The following NCOR2 variants were observed in gnomAD, a reference collection of about 807,000 sequenced individuals.
The protein encoded by NCOR2 is nuclear receptor corepressor 2, also known as CTG repeat protein 26.
A neutral mutation model predicts 262.9 loss-of-function variants in NCOR2; 81 were observed. The observed-to-expected ratio is 0.31, with a 90% CI of 0.26 to 0.37. NCOR2 has a LOEUF of 0.37. Among genes scored for constraint, NCOR2 ranks in the 10% least tolerant of loss-of-function variants. NCOR2 has a pLI of 1.00. For missense variants in NCOR2, 3,385 were observed against 3,621.4 expected (o/e 0.93, Z 1.68); for synonymous variants, 1,659 against 1,559.3 (o/e 1.06, Z -1.51).
intron 3 of NCOR2, among the ~76,000 whole-genome samples, chr12:124,479,012 C>T (rs571559583): frequency 6.6e-5 from 10 of 152,242 alleles, no homozygotes; most frequent in South Asian, 2.1e-4. Flanking sequence ...CGGAGACCCT[C>T]TAGAACCCAC....
intron 16 of NCOR2, chr12:124,388,776 G>A (rs1025684438): frequency 6.1e-6 from 8 of 1,303,634 alleles, no homozygotes; most frequent in Admixed American, 2.3e-5. Flanking sequence ...TGGGCCGGCA[G>A]GCTGGGCGGC....
chr12:124,361,676 T>C (rs991847012), intron 22 of NCOR2, among the ~76,000 whole-genome samples: 1 of 152,174 alleles, frequency 6.6e-6, no homozygotes, highest in Admixed American at 6.5e-5. Context: ...GCCAGCCGGG[T>C]GCTGGGCCCC....
At chr12:124,340,408 A>T in exon 36 of NCOR2, 2 of 1,612,944 alleles carry the variant, frequency 1.2e-6, no homozygotes, top group Non-Finnish European at 8.5e-7. Context: ...TCGGACGAGG[A>T]CGTGGTGGTT....
Position 124,479,538 on chromosome 12 carries a change from C to T in NCOR2, c.411+4058G>A, listed in dbSNP as rs550002025. On this transcript the variant is annotated intron_variant, in intron 3 of 46. Coordinates refer to ENST00000405201, the Ensembl canonical transcript of NCOR2. Reference sequence around the variant, plus strand: ...ACATGCGCGCACACGCACACACACACCCGCACCCACACACAAACGCGCACA... The same window carrying T: ...ACATGCGCGCACACGCACACACACATCCGCACCCACACACAAACGCGCACA... 2.2e-4 allele frequency among the ~76,000 whole-genome samples: 34 copies of T among 152,228 alleles called. 1 individual carries two copies. The South Asian group carries it at 6.4e-3, about 29-fold the overall frequency.
intron 5 of NCOR2, among the ~76,000 whole-genome samples, chr12:124,460,306 G>A (rs2046098513): frequency 6.6e-6 from 1 of 152,208 alleles, no homozygotes; most frequent in Non-Finnish European, 1.5e-5. Context: ...CCTCGCTCAG[G>A]CGGTCTCTGG....
At chr12:124,371,947 GCTGT>G (rs957364836) in intron 20 of NCOR2, 71 bp downstream of exon 22, 63 of 1,414,102 alleles carry the variant, frequency 4.5e-5, no homozygotes, top group African/African-American at 1.3e-4. Context: ...ACTGGGTGCG[GCTGT>G]CTAAGTAGGT....
chr12:124,368,889 G>A (rs1045327809), intron 20 of NCOR2, among the ~76,000 whole-genome samples: 2 of 152,210 alleles, frequency 1.3e-5, no homozygotes, highest in Admixed American at 6.5e-5. Context: ...GCGCATGCTG[G>A]TGCCATCAGT....
At position 124,343,245 on chromosome 12, in the gene NCOR2, G is replaced by T; in HGVS notation, c.4715-19C>A. On this transcript the variant is annotated intron_variant, in intron 32 of 46. Coordinates refer to ENST00000405201, the Ensembl canonical transcript of NCOR2. ...AGGCTGCCTGTGGACGGGCAAGGTGGATGCATCGGGCCTCTGGGGCTGGCA... is the reference window on the plus strand; with the variant it reads ...AGGCTGCCTGTGGACGGGCAAGGTGTATGCATCGGGCCTCTGGGGCTGGCA... 1 of 1,602,126 alleles carries T rather than the reference G, an allele frequency of 6.2e-7. No individual in the cohort carries two copies. The highest frequency in any genetic ancestry group is 8.5e-7 in the Non-Finnish European group (1 of 1,173,240).
At chr12:124,392,534 C>T (rs530029648) in intron 16 of NCOR2, among the ~76,000 whole-genome samples, 7 of 152,222 alleles carry the variant, frequency 4.6e-5, no homozygotes, top group East Asian at 3.9e-4. Context: ...TGGGCCCTGA[C>T]GGACAGCTGC....
At chr12:124,550,442 G>A (rs1594058254) in intron 1 of NCOR2, among the ~76,000 whole-genome samples, 1 of 152,258 alleles carries the variant, frequency 6.6e-6, no homozygotes, top group East Asian at 1.9e-4. Flanking sequence ...GGTCTAGAGT[G>A]GGGGCTCCAC....
At chr12:124,326,433 T>C (rs1030279450) in intron 45 of NCOR2, 63 bp from the exon 48 acceptor site, 20 of 1,391,262 alleles carry the variant, frequency 1.4e-5, no homozygotes, top group Non-Finnish European at 1.7e-5. Flanking sequence ...GACGCTACGG[T>C]GGGGCCACAG....
intron 13 of NCOR2, among the ~76,000 whole-genome samples, chr12:124,408,196 TACAA>T (rs2042378512): frequency 6.6e-6 from 1 of 151,956 alleles, no homozygotes; most frequent in South Asian, 2.1e-4. Context: ...CTACTAAAAA[TACAA>T]ACAATTAGCT....
intron 6 of NCOR2, among the ~76,000 whole-genome samples, chr12:124,450,702 G>A (rs1156326111): frequency 6.6e-6 from 1 of 152,224 alleles, no homozygotes; most frequent in East Asian, 1.9e-4. Flanking sequence ...CAGCATCTGT[G>A]ATGGTGCAGG....
Position 124,389,447 on chromosome 12 carries a change from C to T in NCOR2, c.1877-3560G>A, listed in dbSNP as rs1451508502. On this transcript the variant is annotated intron_variant, in intron 16 of 46. Transcript: ENST00000405201. The surrounding 1 kb of genome is among the most constrained non-coding windows in gnomAD (Gnocchi z 4.4). ...GGCTCCCCCTCCCTCTCTCCCCATC[C>T]GCGGCGGTGGCGGCGTCAGCAGTGG... 6.6e-6 allele frequency among the ~76,000 whole-genome samples: 1 copy of T among 152,206 alleles called. No individual in the cohort carries two copies. Among genetic ancestry groups the T allele is most frequent in the Non-Finnish European group, 1.5e-5 (1 of 68,044 alleles).
rs866660861 is a variant in NCOR2 at position 124,508,607 on chromosome 12, G to A, written c.-117-13239C>T. Among the ~76,000 whole-genome samples the A allele has an allele frequency of 8.5e-5, 13 of 152,322 alleles. No individual in the cohort carries two copies. In the South Asian group the frequency reaches 2.7e-3, roughly 32 times the overall value. On this transcript the variant is annotated intron_variant, in intron 1 of 46. Transcript: ENST00000404621. ...CAACACTGAGCAGAGACCCAGGAAT[G>A]TGGCCCCCAAACATTCCTGATGTTC...
At chr12:124,460,780 A>C (rs1256646042) in intron 5 of NCOR2, among the ~76,000 whole-genome samples, 1 of 152,022 alleles carries the variant, frequency 6.6e-6, no homozygotes, top group African/African-American at 2.4e-5. Flanking sequence ...AACCCTTCCC[A>C]CCTGAACCTC....
intron 13 of NCOR2, among the ~76,000 whole-genome samples, chr12:124,409,355 G>A (rs1460238967): frequency 4.6e-5 from 7 of 152,200 alleles, no homozygotes; most frequent in African/African-American, 7.2e-5. Context: ...GCCTTTGCAC[G>A]TGCTGTGCCC....
intron 11 of NCOR2, among the ~76,000 whole-genome samples, chr12:124,423,207 G>A (rs562207085): frequency 1.3e-5 from 2 of 152,314 alleles, no homozygotes; most frequent in African/African-American, 4.8e-5. Context: ...AGGGCCAAAG[G>A]AGCGGGAGCA....
chr12:124,456,328 A>G lies in NCOR2; in HGVS notation c.762+778T>C, dbSNP rs117920619. ...ATCCATGCTGACCAGCTCAGTGGGCACAGATGGCTGTGGGGCAGGCAGGGG... is the reference window on the plus strand; with the variant it reads ...ATCCATGCTGACCAGCTCAGTGGGCGCAGATGGCTGTGGGGCAGGCAGGGG... On this transcript the variant is annotated intron_variant, in intron 6 of 46. Transcript: ENST00000405201. Among the ~76,000 whole-genome samples the G allele has an allele frequency of 7.4e-3, 1,124 of 152,350 alleles. 48 individuals are homozygous for G. Among genetic ancestry groups the G allele is most frequent in the East Asian group, 0.016 (81 of 5,188 alleles).
Sources: gnomAD v4.1 joint callset for allele counts (sites outside exome capture counted in the v4.1 genomes callset) on GRCh38, gnomAD v4.1.1 for gene constraint, Gnocchi (gnomAD v3.1) non-coding constraint, MANE v1.5 for transcripts, NCBI Gene and HGNC (gene_info 2026-07-23, HGNC 2026-07-21) for gene names.